Variants in SLC41A2 observed in about 807,000 individuals in gnomAD.
The protein encoded by SLC41A2 is SLC41A1-like 1.
A neutral mutation model predicts 58.3 loss-of-function variants in SLC41A2; 32 were observed. That is an observed-to-expected ratio of 0.55 (90% CI 0.41 to 0.74). SLC41A2 has a LOEUF of 0.74. SLC41A2 is among the 30% of genes least tolerant of loss of function. The probability of loss-of-function intolerance (pLI) is 0.00; values close to 1 mark genes in which losing one functional copy is unlikely to be tolerated. For synonymous variants in SLC41A2, 190 were observed against 235.0 expected, an observed-to-expected ratio of 0.81 and a Z score of 1.75; for missense variants, 514 against 680.6, an observed-to-expected ratio of 0.76 and a Z score of 2.72.
At chr12:104,942,453 G>C (rs2047548558) in intron 1 of SLC41A2, among the ~76,000 whole-genome samples, 3 of 149,156 alleles carry the variant, frequency 2.0e-5, no homozygotes, top group Non-Finnish European at 3.0e-5. Flanking sequence ...ACTCCAGCCT[G>C]GGCCATAGAG....
At chr12:104,850,268 T>A (rs1490950892) in intron 8 of SLC41A2, among the ~76,000 whole-genome samples, 2 of 152,242 alleles carry the variant, frequency 1.3e-5, no homozygotes, top group Non-Finnish European at 2.9e-5. Flanking sequence ...TGGCTTGTGC[T>A]AGATTATTAA....
At position 104,928,320 on chromosome 12, in the gene SLC41A2, A is replaced by T; in HGVS notation, c.208T>A (p.Ser70Thr). 1 of 1,613,266 alleles carries T rather than the reference A, an allele frequency of 6.2e-7. No homozygotes were observed. The highest frequency in any genetic ancestry group is 8.5e-7 in the Non-Finnish European group (1 of 1,179,622). The change falls in exon 2 of 11, where the codon TCA becomes ACA. Residue 70 changes from serine (S) to threonine (T), a missense_variant. This residue lies in a region of SLC41A2 where 336 missense variants were observed against 430.0 expected (regional missense o/e 0.78). Coordinates refer to ENST00000258538, the MANE Select transcript of SLC41A2 (RefSeq NM_001352171.3). ...KANGIWQDGL[S>T]TAVQTFSNRS... ...TTACTAAAAGTCTGTACTGCAGTTG[A>T]TAATCCATCTTGCCAAATGCCGTTT...
intron 10 of SLC41A2, among the ~76,000 whole-genome samples, chr12:104,825,851 G>C (rs897637551): frequency 1.3e-5 from 2 of 152,210 alleles, no homozygotes; most frequent in Non-Finnish European, 2.9e-5. Context: ...TTTATGGCAT[G>C]AACAGTCCCT....
At position 104,950,248 on chromosome 12, in the gene SLC41A2, C is replaced by T. The variant is rs139048110; in HGVS notation, c.-168+7840G>A. On this transcript the variant is annotated intron_variant, in intron 1 of 10. Transcript: ENST00000258538. ...TGAATTGTAATCCCCATAATCTCCA[C>T]GTGTCTAGGAAGAGACCTGGTAGGA... 2.0e-3 allele frequency among the ~76,000 whole-genome samples: 305 copies of T among 152,280 alleles called. 1 individual carries two copies. Among genetic ancestry groups the T allele is most frequent in the African/African-American group, 6.4e-3 (268 of 41,554 alleles).
intron 8 of SLC41A2, among the ~76,000 whole-genome samples, chr12:104,859,129 G>A (rs2043117288): frequency 6.6e-6 from 1 of 151,932 alleles, no homozygotes; most frequent in South Asian, 2.1e-4. Context: ...ATCTTTGTAG[G>A]GACAATATAA....
intron 1 of SLC41A2, among the ~76,000 whole-genome samples, chr12:104,930,129 T>C (rs1446336650): frequency 6.6e-6 from 1 of 152,222 alleles, no homozygotes; most frequent in Non-Finnish European, 1.5e-5. Flanking sequence ...AGAATGTGTG[T>C]GTTTGAGGCC....
chr12:104,931,743 ACCATCATCACCACCACTTGGAAGAAAG>A (rs2047060645), intron 1 of SLC41A2: 1 of 152,278 alleles, frequency 6.6e-6, no homozygotes. Context: ...TTCTACCACC[ACCATCATCACCACCACTTGGAAGAAAG>A]CCGTCTACAT....
At chr12:104,903,165 C>T (rs1360785391) in intron 3 of SLC41A2, among the ~76,000 whole-genome samples, 1 of 152,150 alleles carries the variant, frequency 6.6e-6, no homozygotes, top group Non-Finnish European at 1.5e-5. Context: ...TTCCCTGTTA[C>T]CATCTTGAAT....
intron 1 of SLC41A2, among the ~76,000 whole-genome samples, chr12:104,932,457 T>C (rs1208299514): frequency 6.6e-6 from 1 of 151,704 alleles, no homozygotes; most frequent in Non-Finnish European, 1.5e-5. Context: ...AAACCTTGTC[T>C]CTACAAAAAA....
intron 5 of SLC41A2, among the ~76,000 whole-genome samples, chr12:104,887,108 G>C (rs547902731): frequency 3.3e-5 from 5 of 151,798 alleles, no homozygotes; most frequent in Non-Finnish European, 5.9e-5. Context: ...TTATACAAAT[G>C]GGATAAAACT....
chr12:104,915,439 T>C (rs2046271279), intron 2 of SLC41A2, among the ~76,000 whole-genome samples: 1 of 152,252 alleles, frequency 6.6e-6, no homozygotes, highest in Non-Finnish European at 1.5e-5. Context: ...CCTCTTTTTA[T>C]TTCATTGAGC....
intron 1 of SLC41A2, among the ~76,000 whole-genome samples, chr12:104,945,073 A>G (rs913180478): frequency 2.0e-5 from 3 of 152,064 alleles, no homozygotes; most frequent in African/African-American, 7.2e-5. Context: ...CGGGAGGCTG[A>G]GGCAGGAGAA....
chr12:104,862,807 A>G (rs182291342), intron 7 of SLC41A2, among the ~76,000 whole-genome samples: 1 of 152,118 alleles, frequency 6.6e-6, no homozygotes, highest in Non-Finnish European at 1.5e-5. Context: ...CCTATACAAC[A>G]TGTTTTGAAA....
At chr12:104,924,338 C>T (rs1241712692) in intron 2 of SLC41A2, among the ~76,000 whole-genome samples, 3 of 152,166 alleles carry the variant, frequency 2.0e-5, no homozygotes, top group South Asian at 2.1e-4. Context: ...TTGGTGCAAC[C>T]AATGTGGAAA....
chr12:104,903,723 TATA>T (rs2045671834), intron 3 of SLC41A2, among the ~76,000 whole-genome samples: 1 of 152,206 alleles, frequency 6.6e-6, no homozygotes, highest in African/African-American at 2.4e-5. Flanking sequence ...CTTATTTCCT[TATA>T]ATGTTTTCTT....
At chr12:104,858,821 A>G (rs1427720018) in intron 8 of SLC41A2, among the ~76,000 whole-genome samples, 1 of 152,220 alleles carries the variant, frequency 6.6e-6, no homozygotes, top group Non-Finnish European at 1.5e-5. Flanking sequence ...TACTAAAAAT[A>G]TATTACTATG....
At chr12:104,941,916 T>C (rs1170802816) in intron 1 of SLC41A2, among the ~76,000 whole-genome samples, 1 of 152,224 alleles carries the variant, frequency 6.6e-6, no homozygotes, top group Non-Finnish European at 1.5e-5. Flanking sequence ...AGTCATTTAA[T>C]TTGGAATTAT....
chr12:104,851,333 T>C (rs2042790293), intron 8 of SLC41A2, among the ~76,000 whole-genome samples: 1 of 152,132 alleles, frequency 6.6e-6, no homozygotes, highest in Admixed American at 6.5e-5. Flanking sequence ...TTAAAATATA[T>C]ATATGAAAGA....
At chr12:104,897,850 A>C (rs1241536148) in intron 3 of SLC41A2, among the ~76,000 whole-genome samples, 3 of 152,132 alleles carry the variant, frequency 2.0e-5, no homozygotes, top group Admixed American at 6.5e-5. Flanking sequence ...TCTTGTAAAA[A>C]CTACATCAAC....
Sources: allele counts gnomAD v4.1 joint callset (sites outside exome capture counted in the v4.1 genomes callset), GRCh38; gene constraint gnomAD v4.1.1; regional missense constraint gnomAD v4.1.1; transcripts MANE v1.5; gene names NCBI Gene and HGNC (gene_info 2026-07-23, HGNC 2026-07-21).